The following S1PR2 variants were observed in gnomAD, a reference collection of about 807,000 sequenced individuals.
S1PR2 encodes sphingosine 1-phosphate receptor 2.
Under a neutral mutation model 16.1 loss-of-function variants are expected in S1PR2, and 9 were observed. The ratio of observed to expected loss-of-function variants is 0.56; its 90% CI spans 0.34 to 0.98. The LOEUF (loss-of-function observed/expected upper bound fraction) is 0.98. Among genes scored for constraint, S1PR2 ranks in the 50% least tolerant of loss-of-function variants. The pLI is 0.02. For synonymous variants in S1PR2, 224 were observed against 233.9 expected (o/e 0.96, Z 0.38); for missense variants, 361 against 488.4 (o/e 0.74, Z 2.46).
chr19:10,230,838 C>T (rs1405846854), intron 1 of S1PR2, among the ~76,000 whole-genome samples: 1 of 152,242 alleles, frequency 6.6e-6, no homozygotes, highest in Non-Finnish European at 1.5e-5. Flanking sequence ...TGCCCTCGCT[C>T]AGCCGGAGTC....
In S1PR2 at chr19:10,224,603, C is replaced by T. The variant is rs372171605; in HGVS notation, c.303G>A (p.Thr101=). The part of the protein sequence containing the change: ...LLSGSVTLRL[T]PVQWFAREGS... ...CCTCCCGGGCAAACCACTGCACAGG[C>T]GTCAGCCTCAGCGTGACAGAGCCAG... Residue 101 remains threonine, a synonymous_variant, in exon 2 of 2, where the codon ACG becomes ACA. Transcript: ENST00000646641. 8 of 1,613,862 alleles carry T rather than the reference C, an allele frequency of 5.0e-6. No homozygotes were observed. Among genetic ancestry groups the T allele is most frequent in the African/African-American group, 1.3e-5 (1 of 74,960 alleles).
At chr19:10,230,286 C>G (rs578234027) in intron 1 of S1PR2, 5 of 153,116 alleles carry the variant, frequency 3.3e-5, no homozygotes, top group African/African-American at 4.8e-5. Flanking sequence ...CCCCCGAGAC[C>G]GCCACACGCG....
chr19:10,227,885 C>G (rs2039645703), intron 1 of S1PR2, among the ~76,000 whole-genome samples: 1 of 152,046 alleles, frequency 6.6e-6, no homozygotes, highest in Admixed American at 6.6e-5. Context: ...CCTGCTGGGC[C>G]CCTCCTGGGG....
chr19:10,225,698 G>T (rs780494179), intron 1 of S1PR2, among the ~76,000 whole-genome samples: 2 of 151,650 alleles, frequency 1.3e-5, no homozygotes, highest in East Asian at 3.9e-4. Flanking sequence ...GGGCCCAGCC[G>T]CCTGGCTAGT....
At chr19:10,224,968 C>A in intron 1 of S1PR2, 21 bp from the exon 2 acceptor site, 1 of 1,371,010 alleles carries the variant, frequency 7.3e-7, no homozygotes, top group South Asian at 1.3e-5. Context: ...GACAGACAGA[C>A]AGACAGACAA....
chr19:10,229,663 T>G (rs1021809432), intron 1 of S1PR2, among the ~76,000 whole-genome samples: 11 of 152,142 alleles, frequency 7.2e-5, no homozygotes, highest in African/African-American at 2.7e-4. Flanking sequence ...TTCCCCCTGG[T>G]CACCCATGGA....
In S1PR2 at chr19:10,224,307, A is replaced by T; in HGVS notation, c.599T>A (p.Ile200Asn). The T allele has an allele frequency of 6.2e-7, 1 of 1,614,128 alleles. No homozygotes were observed. The highest frequency in any genetic ancestry group is 8.5e-7 in the Non-Finnish European group (1 of 1,180,052). Reference protein sequence around the residue: ...YVLCVVTIFSIILLAIVALYV... With the variant: ...YVLCVVTIFSNILLAIVALYV... ...CAGGGCCACGATGGCCAACAGGATG[A>T]TGGAGAAGATGGTCACCACGCACAG... The change falls in exon 2 of 2, where the codon ATC (isoleucine) becomes AAC (asparagine). Residue 200 changes from isoleucine (I) to asparagine (N), a missense_variant. Ile to Asn is a moderately radical substitution (Grantham distance 149, BLOSUM62 -3). Transcript: ENST00000646641.
intron 1 of S1PR2, among the ~76,000 whole-genome samples, chr19:10,228,131 C>A (rs1365605485): frequency 1.5e-5 from 2 of 134,192 alleles, no homozygotes; most frequent in Non-Finnish European, 3.1e-5. Flanking sequence ...TAAAACCCCC[C>A]TCTACTCAAA....
At position 10,224,429 on chromosome 19, in the gene S1PR2, C is replaced by T. The variant is rs200965528; in HGVS notation, c.477G>A (p.Ser159=). Residue 159 remains serine (S), a synonymous_variant, in exon 2 of 2, where the codon TCG becomes TCA. Transcript: ENST00000646641. The stretch of plus-strand genomic sequence containing the variant: ...GGATGGGCAGGCCACCGAGGACCAG[C>T]GAGATGAGCCACGAGGCCCCGATGA... The part of the protein sequence containing the change: ...LLLIGASWLI[S]LVLGGLPILG... 1,092 of 1,613,582 alleles carry T rather than the reference C, an allele frequency of 6.8e-4. 12 individuals carry two copies. The South Asian group carries it at 0.011, about 16-fold the overall frequency.
intron 1 of S1PR2, among the ~76,000 whole-genome samples, chr19:10,229,433 G>A (rs1347112121): frequency 1.3e-5 from 2 of 151,940 alleles, no homozygotes; most frequent in Non-Finnish European, 2.9e-5. Flanking sequence ...GGGATTATAG[G>A]TGCCTACCAC....
At position 10,224,499 on chromosome 19, in the gene S1PR2, T is replaced by TTGGCAATGGCCACGTGGCGCTCAA. The variant is rs750023590; in HGVS notation, c.383_406dup (p.Ile128_Ala135dup). ...CTTGTCGCTGCCATACAGCTTGACC[T>TTGGCAATGGCCACGTGGCGCTCAA]TGGCAATGGCCACGTGGCGCTCAAT... On this transcript the variant is annotated inframe_insertion, in exon 2 of 2. Transcript: ENST00000646641. 6.2e-7 allele frequency: 1 copy of TTGGCAATGGCCACGTGGCGCTCAA among 1,613,898 alleles called. No homozygotes were observed. Among genetic ancestry groups the TTGGCAATGGCCACGTGGCGCTCAA allele is most frequent in the South Asian group, 1.1e-5 (1 of 91,090 alleles).
chr19:10,227,026 G>A (rs2039639986), intron 1 of S1PR2, among the ~76,000 whole-genome samples: 1 of 151,684 alleles, frequency 6.6e-6, no homozygotes, highest in South Asian at 2.1e-4. Context: ...CTGAGCCGTG[G>A]TGGGAGGGGG....
intron 1 of S1PR2, among the ~76,000 whole-genome samples, chr19:10,230,867 C>T (rs2039671860): frequency 1.3e-5 from 2 of 151,778 alleles, no homozygotes; most frequent in Admixed American, 1.3e-4. Context: ...GGGGTGTTGC[C>T]CCCCCCCAAA....
chr19:10,229,293 A>G (rs1599238089), intron 1 of S1PR2, among the ~76,000 whole-genome samples: 2 of 143,348 alleles, frequency 1.4e-5, no homozygotes, highest in East Asian at 3.9e-4. Context: ...CTCAAAAAAA[A>G]AATTTTTTTT....
In S1PR2 at chr19:10,223,684, G is replaced by T; in HGVS notation, c.*160C>A. ...CAACACTGCTATGTGACTAGTCAGT[G>T]CCTTATCTGGCCTTTCCAGGTGTGA... On this transcript the variant is annotated 3_prime_UTR_variant, in exon 2 of 2. Coordinates refer to ENST00000646641, the MANE Select transcript of S1PR2 (RefSeq NM_004230.4). 1 of 671,408 alleles carries T rather than the reference G, an allele frequency of 1.5e-6. No homozygotes were observed. Among genetic ancestry groups the T allele is most frequent in the Admixed American group, 3.0e-5 (1 of 33,640 alleles). 41.6% of individuals were successfully genotyped at this position (671,408 alleles called of 1,614,324 possible).
chr19:10,225,045 T>C (rs2039623682), intron 1 of S1PR2, 98 bp from the exon 2 acceptor site: 2 of 653,426 alleles, frequency 3.1e-6, no homozygotes, highest in East Asian at 2.7e-5. Flanking sequence ...TTTCCTGCTC[T>C]GTTACTCTTC....
chr19:10,225,094 C>T, intron 1 of S1PR2, 147 bp from the exon 2 acceptor site: 1 of 589,280 alleles, frequency 1.7e-6, no homozygotes. Flanking sequence ...TCATCATCCC[C>T]ACTTACAGAC....
rs79481092 is a variant in S1PR2 at position 10,221,541 on chromosome 19, C to G, written c.*2303G>C. The stretch of plus-strand genomic sequence containing the variant: ...AAGCCCCTGACTGGCTCCTTGCCCC[C>G]CAAAGACCCGCTCCCCCAGGCTTTG... On this transcript the variant is annotated 3_prime_UTR_variant, in exon 2 of 2. Coordinates refer to ENST00000646641, the MANE Select transcript of S1PR2 (RefSeq NM_004230.4). 6.6e-5 allele frequency: 10 copies of G among 152,432 alleles called. 1 individual carries two copies. Among genetic ancestry groups the G allele is most frequent in the South Asian group, 4.1e-4 (2 of 4,826 alleles). 9.4% of individuals were successfully genotyped at this position (152,432 alleles called of 1,614,324 possible).
intron 1 of S1PR2, chr19:10,230,412 C>G (rs2039665268): frequency 6.5e-6 from 1 of 154,824 alleles, no homozygotes. Context: ...GCAGCAGCTG[C>G]ACCGCGAGTT....
Sources: allele counts gnomAD v4.1 joint callset (sites outside exome capture counted in the v4.1 genomes callset), GRCh38; gene constraint gnomAD v4.1.1; transcripts MANE v1.5; gene names NCBI Gene and HGNC (gene_info 2026-07-23, HGNC 2026-07-21).